The following GANC variants were observed in gnomAD, a reference collection of about 807,000 sequenced individuals.
GANC encodes glucosidase alpha, neutral C.
GANC carries 117 observed loss-of-function variants against 124.2 expected under a neutral mutation model. The ratio of observed to expected loss-of-function variants is 0.94; its 90% CI spans 0.81 to 1.10. The LOEUF (loss-of-function observed/expected upper bound fraction) is 1.10, where lower values mean the gene tolerates loss of function less well. Ranked by LOEUF, GANC falls within the 50% of genes least tolerant of loss-of-function variation. The pLI is 0.00. For synonymous variants in GANC, 377 were observed against 376.8 expected, an observed-to-expected ratio of 1.00 and a Z score of -0.01; for missense variants, 1,140 against 1,095.0, an observed-to-expected ratio of 1.04 and a Z score of -0.58.
At chr15:42,299,351 G>T (rs2051923034) in intron 6 of GANC, among the ~76,000 whole-genome samples, 1 of 152,252 alleles carries the variant, frequency 6.6e-6, no homozygotes. Context: ...TTCTGTTTAT[G>T]TGATGGATTA....
chr15:42,317,524 T>C (rs1311389703), intron 10 of GANC, among the ~76,000 whole-genome samples: 2 of 152,144 alleles, frequency 1.3e-5, no homozygotes, highest in African/African-American at 4.8e-5. Context: ...AATTGGACAC[T>C]TGGAAATGGT....
intron 3 of GANC, among the ~76,000 whole-genome samples, chr15:42,282,320 T>C (rs2051742058): frequency 6.6e-6 from 1 of 151,858 alleles, no homozygotes; most frequent in Admixed American, 6.6e-5. Flanking sequence ...AGACTCTGTC[T>C]CAAAAAAAAA....
chr15:42,273,508 C>A lies in GANC; in HGVS notation c.-974C>A, dbSNP rs896888231. 2.0e-6 allele frequency: 3 copies of A among 1,520,128 alleles called. No homozygotes were observed. The highest frequency in any genetic ancestry group is 2.5e-5 in the South Asian group (2 of 80,076). The allele number at this position is 1,520,128 out of a possible 1,614,324, so 94.2% of individuals were successfully genotyped here. ...GATTATCCGGGTCCTGGAAACGTCGCGGAGCTTGTTTGCTGTGCGGCGTAG... is the reference window on the plus strand; with the variant it reads ...GATTATCCGGGTCCTGGAAACGTCGAGGAGCTTGTTTGCTGTGCGGCGTAG... On this transcript the variant is annotated 5_prime_UTR_variant, in exon 1 of 24. Transcript: ENST00000318010.
chr15:42,313,939 G>A lies in GANC; in HGVS notation c.1057+3093G>A, dbSNP rs565321794. 48 of 584,276 alleles carry A rather than the reference G, an allele frequency of 8.2e-5. 1 individual carries two copies. In the East Asian group the frequency reaches 1.3e-3, roughly 16 times the overall value. 36.2% of individuals were successfully genotyped at this position (584,276 alleles called of 1,614,324 possible). On this transcript the variant is annotated intron_variant, in intron 10 of 23. Transcript: ENST00000318010. ...TGCTCTCCCGCCTAGACAACAGAGCGAGACCCTATCTCTAAAAACAACAGC... is the reference window on the plus strand; with the variant it reads ...TGCTCTCCCGCCTAGACAACAGAGCAAGACCCTATCTCTAAAAACAACAGC...
intron 17 of GANC, 73 bp from the exon 18 acceptor site, chr15:42,340,617 A>AT: frequency 3.3e-6 from 4 of 1,228,212 alleles, no homozygotes; most frequent in Non-Finnish European, 4.6e-6. Context: ...AAAAAAAAAA[A>AT]CTAAAAATAT....
intron 19 of GANC, among the ~76,000 whole-genome samples, 158 bp from the exon 20 acceptor site, chr15:42,345,600 G>A (rs1005037118): frequency 5.9e-5 from 9 of 152,158 alleles, no homozygotes; most frequent in Non-Finnish European, 7.3e-5. Flanking sequence ...CTAAAAGCAC[G>A]TATTCTTCCT....
At chr15:42,310,569 G>A in intron 9 of GANC, 106 bp downstream of exon 9, 1 of 1,462,958 alleles carries the variant, frequency 6.8e-7, no homozygotes, top group South Asian at 1.4e-5. Flanking sequence ...GCCAACAAAA[G>A]CTTTACAGTG....
intron 2 of GANC, among the ~76,000 whole-genome samples, chr15:42,277,018 T>C (rs1461916364): frequency 6.6e-6 from 1 of 152,216 alleles, no homozygotes; most frequent in African/African-American, 2.4e-5. Context: ...CTGTCTCTTA[T>C]TGCTAGACCC....
intron 15 of GANC, among the ~76,000 whole-genome samples, chr15:42,336,600 A>G (rs186372849): frequency 1.3e-5 from 2 of 152,352 alleles, no homozygotes; most frequent in African/African-American, 4.8e-5. Flanking sequence ...GAGGATACCA[A>G]AAACAATTGG....
At position 42,289,565 on chromosome 15, in the gene GANC, G is replaced by A. The variant is rs2051822062; in HGVS notation, c.329+1747G>A. Reference sequence around the variant, plus strand: ...TTTTCTGCTTAAAATAGCCAGAGTTGTTTTTGTTTTCTACAATTGAGCCTT... The same window carrying A: ...TTTTCTGCTTAAAATAGCCAGAGTTATTTTTGTTTTCTACAATTGAGCCTT... On this transcript the variant is annotated intron_variant, in intron 4 of 23. Coordinates refer to ENST00000318010, the MANE Select transcript of GANC (RefSeq NM_198141.3). Among the ~76,000 whole-genome samples, 3 of 152,250 alleles carry A rather than the reference G, an allele frequency of 2.0e-5. No individual in the cohort carries two copies. The South Asian group carries it at 6.2e-4, about 32-fold the overall frequency.
At position 42,321,873 on chromosome 15, in the gene GANC, T is replaced by C; in HGVS notation, c.1146T>C (p.Asp382=). The change falls in exon 11 of 24, where the codon GAT becomes GAC. Residue 382 remains aspartate, a synonymous_variant. Transcript: ENST00000318010. ...ATGAGCAGGATGTAAAAGCAGTGGA[T>C]GCAGGGTTTGATGAGCATGACATTC... ...YEDEQDVKAV[D]AGFDEHDIPY... is the part of the protein sequence containing the mutation. 1.2e-6 allele frequency: 2 copies of C among 1,614,204 alleles called. No individual in the cohort carries two copies. The highest frequency in any genetic ancestry group is 1.7e-6 in the Non-Finnish European group (2 of 1,180,024).
At chr15:42,302,200 C>T (rs1013485471) in intron 6 of GANC, among the ~76,000 whole-genome samples, 2 of 152,196 alleles carry the variant, frequency 1.3e-5, no homozygotes, top group Non-Finnish European at 2.9e-5. Flanking sequence ...GCTGGTAATA[C>T]TCAGTCAAAC....
chr15:42,327,801 G>A (rs1252682589), intron 13 of GANC, among the ~76,000 whole-genome samples: 3 of 152,014 alleles, frequency 2.0e-5, no homozygotes, highest in Non-Finnish European at 4.4e-5. Flanking sequence ...ATCTTACAAC[G>A]TATTTGTCAT....
rs185832038 is a variant in GANC, at chr15:42,281,079, G to T, written c.201+2489G>T. 2.9e-4 allele frequency: 204 copies of T among 702,550 alleles called. No individual in the cohort carries two copies. The African/African-American group carries it at 3.2e-3, about 11-fold the overall frequency. The allele number at this position is 702,550 out of a possible 1,614,324, so 43.5% of individuals were successfully genotyped here. On this transcript the variant is annotated intron_variant, in intron 3 of 23. Coordinates refer to ENST00000318010, the MANE Select transcript of GANC (RefSeq NM_198141.3). ...ACAAATTACCTGGGACATCAGCAACGTAGCTCCCAAGACTGAGAACTTTGA... is the reference window on the plus strand; with the variant it reads ...ACAAATTACCTGGGACATCAGCAACTTAGCTCCCAAGACTGAGAACTTTGA...
intron 6 of GANC, among the ~76,000 whole-genome samples, chr15:42,300,338 CA>C (rs1159571087): frequency 6.6e-6 from 1 of 152,044 alleles, no homozygotes; most frequent in African/African-American, 2.4e-5. Flanking sequence ...ATGTGGCCAA[CA>C]AACATGAAAA....
chr15:42,289,854 G>T (rs1294333392), intron 4 of GANC, among the ~76,000 whole-genome samples: 3 of 152,070 alleles, frequency 2.0e-5, no homozygotes, highest in Non-Finnish European at 4.4e-5. Context: ...GGATGATTAG[G>T]GTAGGCTCTA....
chr15:42,332,376 A>G (rs1426382489), intron 15 of GANC, among the ~76,000 whole-genome samples: 3 of 152,222 alleles, frequency 2.0e-5, no homozygotes, highest in Admixed American at 2.0e-4. Context: ...CAGTTAAAAA[A>G]AGATAACAGA....
At chr15:42,343,245 G>C (rs571471705) in intron 19 of GANC, 91 bp downstream of exon 19, 3 of 1,093,832 alleles carry the variant, frequency 2.7e-6, no homozygotes, top group Middle Eastern at 2.0e-4. Context: ...TCATGTGTTT[G>C]TGAACACACC....
chr15:42,330,499 G>A (rs1198986786), intron 14 of GANC, 77 bp from the exon 15 acceptor site: 1 of 962,214 alleles, frequency 1.0e-6, no homozygotes, highest in Non-Finnish European at 1.6e-6. Context: ...TTTGCTTTTT[G>A]TATGTTAGAT....
Sources: gnomAD v4.1 joint callset for allele counts (sites outside exome capture counted in the v4.1 genomes callset) on GRCh38, gnomAD v4.1.1 for gene constraint, MANE v1.5 for transcripts, NCBI Gene and HGNC (gene_info 2026-07-23, HGNC 2026-07-21) for gene names.